The following PCDHB12 variants were observed in gnomAD, a reference collection of about 807,000 sequenced individuals.
PCDHB12 encodes protocadherin beta 12.
For synonymous variants in PCDHB12, 560 were observed against 445.2 expected, an observed-to-expected ratio of 1.26 and a Z score of -3.24; for missense variants, 1,192 against 998.2, an observed-to-expected ratio of 1.19 and a Z score of -2.62.
chr5:141,210,225 C>T lies in PCDHB12; in HGVS notation c.1318C>T (p.Leu440=), dbSNP rs782547987. 1.9e-5 allele frequency: 30 copies of T among 1,614,054 alleles called. No homozygotes were observed. The highest frequency in any genetic ancestry group is 1.9e-5 in the Non-Finnish European group (23 of 1,179,996). The change falls in exon 1 of 1, where the codon CTG becomes TTG. Residue 440 remains leucine, a synonymous_variant. Coordinates refer to ENST00000239450, the MANE Select transcript of PCDHB12 (RefSeq NM_018932.4). Reference sequence around the variant, plus strand: ...AAAAACCGAGCACAACATAACCGTGCTGGTCTCCGACGTCAATGACAACGC... The same window carrying T: ...AAAAACCGAGCACAACATAACCGTGTTGGTCTCCGACGTCAATGACAACGC... ...RLKTEHNITV[L]VSDVNDNAPA...
In PCDHB12 at chr5:141,211,485, G is replaced by T. The variant is rs1554287236; in HGVS notation, c.*190G>T. 1 of 708,350 alleles carries T rather than the reference G, an allele frequency of 1.4e-6. No individual in the cohort carries two copies. Among genetic ancestry groups the T allele is most frequent in the African/African-American group, 1.8e-5 (1 of 55,846 alleles). 43.9% of individuals were successfully genotyped at this position (708,350 alleles called of 1,614,324 possible). On this transcript the variant is annotated 3_prime_UTR_variant, in exon 1 of 1. Transcript: ENST00000239450. ...ACTTCACAAAGCAGGAAATGTGCAT[G>T]TGTAATGGTTTATGTCAAACAATTA...
In PCDHB12 at chr5:141,211,216, T is replaced by G; in HGVS notation, c.2309T>G (p.Ile770Ser). ...RSNKFKFLKP[I>S]IPNFLPQSTG... Reference sequence around the variant, plus strand: ...AATAAGTTCAAATTTCTGAAACCAATTATCCCCAACTTCCTACCCCAGAGC... The same window carrying G: ...AATAAGTTCAAATTTCTGAAACCAAGTATCCCCAACTTCCTACCCCAGAGC... The change falls in exon 1 of 1, where the codon ATT (isoleucine) becomes AGT (serine). Residue 770 changes from isoleucine to serine, a missense_variant. By Grantham distance (142) the Ile-to-Ser change is moderately radical. Transcript: ENST00000239450. 1 of 1,614,066 alleles carries G rather than the reference T, an allele frequency of 6.2e-7. No homozygotes were observed. The highest frequency in any genetic ancestry group is 1.1e-5 in the South Asian group (1 of 91,074).
rs1754363770 is a variant in PCDHB12 at position 141,209,047 on chromosome 5, A to G, written c.140A>G (p.Asn47Ser). Residue 47 changes from asparagine to serine, a missense_variant, in exon 1 of 1, where the codon AAT (asparagine) becomes AGT (serine). By Grantham distance (46) the Asn-to-Ser change is conservative (BLOSUM62 1). Transcript: ENST00000239450. ...TTGCAGAGCGGGAGCTTTGTAGGAA[A>G]TTTGGCAAAGACCCTGGGACTCGAG... ...EELQSGSFVGNLAKTLGLEVS... is the reference protein window; with the variant it reads ...EELQSGSFVGSLAKTLGLEVS... 6.8e-6 allele frequency: 11 copies of G among 1,611,082 alleles called. No homozygotes were observed. In the Admixed American group the frequency reaches 1.5e-4, roughly 22 times the overall value.
In PCDHB12 at chr5:141,210,695, G is replaced by C. The variant is rs1554287020; in HGVS notation, c.1788G>C (p.Ser596=). The change falls in exon 1 of 1, where the codon TCG becomes TCC. Residue 596 remains serine, a synonymous_variant. Transcript: ENST00000239450. The part of the protein sequence containing the change: ...VTKVVAVDGD[S]GQNAWLSYQL... Reference sequence around the variant, plus strand: ...AGGTGGTGGCGGTGGACGGTGACTCGGGCCAGAACGCCTGGCTGTCGTACC... The same window carrying C: ...AGGTGGTGGCGGTGGACGGTGACTCCGGCCAGAACGCCTGGCTGTCGTACC... 3.7e-6 allele frequency: 6 copies of C among 1,610,036 alleles called. No homozygotes were observed. The highest frequency in any genetic ancestry group is 4.4e-4 in the Middle Eastern group (2 of 4,554).
In PCDHB12 at chr5:141,210,494, C is replaced by T; in HGVS notation, c.1587C>T (p.Phe529=). The change falls in exon 1 of 1, where the codon TTC becomes TTT. Residue 529 remains phenylalanine (F), a synonymous_variant. Coordinates refer to ENST00000239450, the MANE Select transcript of PCDHB12 (RefSeq NM_018932.4). ...ACGAGGCCCTGCAGGGGTTCCAGTT[C>T]CGCGTGGGCGCCACAGACCACGGCT... ...LDYEALQGFQ[F]RVGATDHGSP... 1.2e-6 allele frequency: 2 copies of T among 1,612,538 alleles called. No homozygotes were observed. Among genetic ancestry groups the T allele is most frequent in the East Asian group, 2.2e-5 (1 of 44,878 alleles).
In PCDHB12 at chr5:141,210,773, C is replaced by G. The variant is rs1476551381; in HGVS notation, c.1866C>G (p.Gly622=). The G allele has an allele frequency of 6.5e-5, 104 of 1,601,296 alleles. No individual in the cohort carries two copies. Among genetic ancestry groups the G allele is most frequent in the African/African-American group, 9.3e-5 (7 of 74,922 alleles). Residue 622 remains glycine (G), a synonymous_variant, in exon 1 of 1, where the codon GGC becomes GGG. Coordinates refer to ENST00000239450, the MANE Select transcript of PCDHB12 (RefSeq NM_018932.4). ...PGLFGVWAHN[G]EVRTARLLSE... ...TATTCGGCGTGTGGGCGCACAATGG[C>G]GAGGTGCGCACCGCCAGGCTGCTGA...
chr5:141,211,963 T>C lies in PCDHB12; in HGVS notation c.*668T>C, dbSNP rs1484303162. The C allele has an allele frequency of 1.2e-5, 2 of 167,340 alleles. No homozygotes were observed. The highest frequency in any genetic ancestry group is 1.3e-4 in the Admixed American group (2 of 15,312). The allele number at this position is 167,340 out of a possible 1,614,324, so 10.4% of individuals were successfully genotyped here. A position where few individuals can be genotyped will look rare whatever the true frequency, so the allele number is the denominator to read the frequency against. On this transcript the variant is annotated 3_prime_UTR_variant, in exon 1 of 1. Coordinates refer to ENST00000239450, the MANE Select transcript of PCDHB12 (RefSeq NM_018932.4). ...TAACTAAAGAGAAGAAAAGTTTTTA[T>C]CGTATTCATACTACTGTTCAATCTT... is the stretch of plus-strand genomic sequence containing the variant.
Position 141,210,286 on chromosome 5 carries a change from T to A in PCDHB12, c.1379T>A (p.Val460Asp). 6.2e-7 allele frequency: 1 copy of A among 1,613,820 alleles called. No homozygotes were observed. The highest frequency in any genetic ancestry group is 8.5e-7 in the Non-Finnish European group (1 of 1,180,026). ...ACCCAAACTTCCTACGCCCTGTTCGTCCGCGAGAACAACAGCCCCGCCCTG... is the reference window on the plus strand; with the variant it reads ...ACCCAAACTTCCTACGCCCTGTTCGACCGCGAGAACAACAGCCCCGCCCTG... ...AFTQTSYALF[V>D]RENNSPALHI... Residue 460 changes from valine to aspartate, a missense_variant, in exon 1 of 1, where the codon GTC (valine) becomes GAC (aspartate). Val to Asp is a radical substitution (Grantham distance 152, BLOSUM62 -3). Transcript: ENST00000239450.
Position 141,208,837 on chromosome 5 carries a change from C to T in PCDHB12, c.-71C>T. On this transcript the variant is annotated 5_prime_UTR_variant, in exon 1 of 1. It adds an upstream start codon to the 5' untranslated region. Transcript: ENST00000239450. ...GGATTTGGTAGACAGATCAGAGGCA[C>T]GTTTCCCACAACTGCGAAGAGGCGC... The T allele has an allele frequency of 7.4e-7, 1 of 1,356,210 alleles. No homozygotes were observed. Among genetic ancestry groups the T allele is most frequent in the Non-Finnish European group, 1.0e-6 (1 of 995,978 alleles). The allele number at this position is 1,356,210 out of a possible 1,614,324, so 84.0% of individuals were successfully genotyped here.
chr5:141,209,204 T>C lies in PCDHB12; in HGVS notation c.297T>C (p.Asn99=). ...ACAGGGAGGAGCTCTGTGGCTCCAA[T>C]GAGCCTTGTGTGCTGTATTTCCAAG... ...MLDREELCGS[N]EPCVLYFQVL... Residue 99 remains asparagine (N), a synonymous_variant, in exon 1 of 1, where the codon AAT becomes AAC. Coordinates refer to ENST00000239450, the MANE Select transcript of PCDHB12 (RefSeq NM_018932.4). 1 of 1,614,174 alleles carries C rather than the reference T, an allele frequency of 6.2e-7. No individual in the cohort carries two copies. The highest frequency in any genetic ancestry group is 1.7e-5 in the Admixed American group (1 of 60,036).
chr5:141,209,593 G>C lies in PCDHB12; in HGVS notation c.686G>C (p.Arg229Thr). 3 of 1,614,190 alleles carry C rather than the reference G, an allele frequency of 1.9e-6. No homozygotes were observed. Among genetic ancestry groups the C allele is most frequent in the Non-Finnish European group, 2.5e-6 (3 of 1,180,032 alleles). ...SPPRSGTALV[R>T]VVVVDINDNS... ...CCCAGGTCTGGAACTGCCTTGGTCA[G>C]GGTGGTGGTTGTAGATATTAATGAC... The change falls in exon 1 of 1, where the codon AGG becomes ACG. Residue 229 changes from arginine (R) to threonine (T), a missense_variant. Arg to Thr is a moderately conservative substitution (Grantham distance 71). Transcript: ENST00000239450.
Position 141,211,479 on chromosome 5 carries a change from G to C in PCDHB12, c.*184G>C. 1 of 724,388 alleles carries C rather than the reference G, an allele frequency of 1.4e-6. No individual in the cohort carries two copies. The highest frequency in any genetic ancestry group is 2.4e-6 in the Non-Finnish European group (1 of 411,250). The allele number at this position is 724,388 out of a possible 1,614,324, so 44.9% of individuals were successfully genotyped here. A position where few individuals can be genotyped will look rare whatever the true frequency, so the allele number is the denominator to read the frequency against. On this transcript the variant is annotated 3_prime_UTR_variant, in exon 1 of 1. Coordinates refer to ENST00000239450, the MANE Select transcript of PCDHB12 (RefSeq NM_018932.4). ...AAGAACACTTCACAAAGCAGGAAAT[G>C]TGCATGTGTAATGGTTTATGTCAAA...
In PCDHB12 at chr5:141,209,145, A is replaced by G; in HGVS notation, c.238A>G (p.Asn80Asp). 6.2e-7 allele frequency: 1 copy of G among 1,614,146 alleles called. No individual in the cohort carries two copies. Among genetic ancestry groups the G allele is most frequent in the Middle Eastern group, 1.6e-4 (1 of 6,062 alleles). Residue 80 changes from asparagine (N) to aspartate (D), a missense_variant, in exon 1 of 1, where the codon AAC (asparagine) becomes GAC (aspartate). Asn to Asp is a conservative substitution (Grantham distance 23). Transcript: ENST00000239450. ...DNKECLQLDTNTGDLLLREML... is the reference protein window; with the variant it reads ...DNKECLQLDTDTGDLLLREML... ...CAAAGAGTGTTTGCAGCTGGACACA[A>G]ACACTGGGGATTTGCTCCTGAGAGA...
chr5:141,209,223 T>C lies in PCDHB12; in HGVS notation c.316T>C (p.Phe106Leu). The change falls in exon 1 of 1, where the codon TTC becomes CTC. Residue 106 changes from phenylalanine (F) to leucine (L), a missense_variant. By Grantham distance (22) the Phe-to-Leu change is conservative. Coordinates refer to ENST00000239450, the MANE Select transcript of PCDHB12 (RefSeq NM_018932.4). ...CTCCAATGAGCCTTGTGTGCTGTAT[T>C]TCCAAGTGTTAATGAAAAACCCCAC... ...CGSNEPCVLYFQVLMKNPTQF... is the reference protein window; with the variant it reads ...CGSNEPCVLYLQVLMKNPTQF... 6.2e-7 allele frequency: 1 copy of C among 1,614,164 alleles called. No homozygotes were observed. Among genetic ancestry groups the C allele is most frequent in the South Asian group, 1.1e-5 (1 of 91,076 alleles).
At position 141,210,189 on chromosome 5, in the gene PCDHB12, A is replaced by C; in HGVS notation, c.1282A>C (p.Thr428Pro). ...NITITVTDLGTPRLKTEHNIT... is the reference protein window; with the variant it reads ...NITITVTDLGPPRLKTEHNIT... ...CACCATCACCGTCACCGACTTGGGG[A>C]CCCCCAGGCTAAAAACCGAGCACAA... The change falls in exon 1 of 1, where the codon ACC (threonine) becomes CCC (proline). Residue 428 changes from threonine (T) to proline (P), a missense_variant. Transcript: ENST00000239450. 6.2e-7 allele frequency: 1 copy of C among 1,613,740 alleles called. No homozygotes were observed. Among genetic ancestry groups the C allele is most frequent in the Non-Finnish European group, 8.5e-7 (1 of 1,179,910 alleles).
In PCDHB12 at chr5:141,210,782, C is replaced by T. The variant is rs1277367464; in HGVS notation, c.1875C>T (p.Arg625=). The T allele has an allele frequency of 4.4e-6, 7 of 1,600,294 alleles. No individual in the cohort carries two copies. The highest frequency in any genetic ancestry group is 2.2e-5 in the South Asian group (2 of 90,846). ...TGTGGGCGCACAATGGCGAGGTGCG[C>T]ACCGCCAGGCTGCTGAGCGAGCGCG... ...FGVWAHNGEV[R]TARLLSERDA... is the part of the protein sequence containing the mutation. Residue 625 remains arginine (R), a synonymous_variant, in exon 1 of 1, where the codon CGC becomes CGT. Transcript: ENST00000239450.
rs782793163 is a variant in PCDHB12 at position 141,210,003 on chromosome 5, A to G, written c.1096A>G (p.Met366Val). Residue 366 changes from methionine (M) to valine (V), a missense_variant, in exon 1 of 1, where the codon ATG (methionine) becomes GTG (valine). Physicochemically the swap from Met to Val is conservative, Grantham distance 21. Coordinates refer to ENST00000239450, the MANE Select transcript of PCDHB12 (RefSeq NM_018932.4). ...IPENTPETVV[M>V]VFRIRDRDSG... ...AGAAAACACTCCAGAGACTGTGGTT[A>G]TGGTTTTCAGGATACGAGACAGAGA... 9 of 1,614,092 alleles carry G rather than the reference A, an allele frequency of 5.6e-6. No homozygotes were observed. The African/African-American group carries it at 6.7e-5, about 12-fold the overall frequency.
Position 141,210,665 on chromosome 5 carries a change from G to T in PCDHB12, c.1758G>T (p.Val586=). 6.2e-7 allele frequency: 1 copy of T among 1,611,006 alleles called. No homozygotes were observed. Among genetic ancestry groups the T allele is most frequent in the African/African-American group, 1.3e-5 (1 of 74,990 alleles). Reference sequence around the variant, plus strand: ...GGGCGGCCGAGCCGGGCTACCTGGTGACCAAGGTGGTGGCGGTGGACGGTG... The same window carrying T: ...GGGCGGCCGAGCCGGGCTACCTGGTTACCAAGGTGGTGGCGGTGGACGGTG... The part of the protein sequence containing the change: ...VPWAAEPGYL[V]TKVVAVDGDS... The change falls in exon 1 of 1, where the codon GTG becomes GTT. Residue 586 remains valine, a synonymous_variant. Transcript: ENST00000239450.
Position 141,212,058 on chromosome 5 carries a change from T to A in PCDHB12, c.*763T>A, listed in dbSNP as rs1372401512. ...CAGTAATCTTGCTTTTCTGGGTAAATTTTCAGCTATTATTACTAATGCTCT... is the reference window on the plus strand; with the variant it reads ...CAGTAATCTTGCTTTTCTGGGTAAAATTTCAGCTATTATTACTAATGCTCT... On this transcript the variant is annotated 3_prime_UTR_variant, in exon 1 of 1. Transcript: ENST00000239450. 6.0e-6 allele frequency: 1 copy of A among 167,086 alleles called. No individual in the cohort carries two copies. Among genetic ancestry groups the A allele is most frequent in the Non-Finnish European group, 1.5e-5 (1 of 68,126 alleles). The allele number at this position is 167,086 out of a possible 1,614,324, so 10.4% of individuals were successfully genotyped here. A position where few individuals can be genotyped will look rare whatever the true frequency, so the allele number is the denominator to read the frequency against.
Sources: allele counts gnomAD v4.1 joint callset, GRCh38; gene constraint gnomAD v4.1.1; transcripts MANE v1.5; gene names NCBI Gene and HGNC (gene_info 2026-07-23, HGNC 2026-07-21).